Variants in TDRP observed in about 807,000 individuals in gnomAD.
TDRP encodes testis development-related protein.
Under a neutral mutation model 10.5 loss-of-function variants are expected in TDRP, and 12 were observed. That is an observed-to-expected ratio of 1.15 (90% CI 0.73 to 1.86). The LOEUF (loss-of-function observed/expected upper bound fraction) is 1.86. Ranked by LOEUF, TDRP falls within the 40% of genes most tolerant of loss-of-function variation. The pLI is 0.00. For missense variants in TDRP, 353 were observed against 229.2 expected (o/e 1.54, Z -3.49); for synonymous variants, 139 against 95.4 (o/e 1.46, Z -2.67).
chr8:493,794 T>C (rs905802850), intron 2 of TDRP, among the ~76,000 whole-genome samples: 1 of 152,126 alleles, frequency 6.6e-6, no homozygotes, highest in Non-Finnish European at 1.5e-5. Context: ...TGTTTTGTTT[T>C]GGTTTGGTTT....
intron 1 of TDRP, among the ~76,000 whole-genome samples, chr8:531,319 C>T (rs907951545): frequency 5.3e-5 from 8 of 152,098 alleles, no homozygotes; most frequent in Admixed American, 3.3e-4. Flanking sequence ...GAACAAGGTC[C>T]GGGACTTTCC....
intron 1 of TDRP, among the ~76,000 whole-genome samples, chr8:535,915 C>CA (rs1356307475): frequency 6.6e-6 from 1 of 152,072 alleles, no homozygotes; most frequent in African/African-American, 2.4e-5. Context: ...GCTCCACATT[C>CA]AGTGACGTTC....
intron 1 of TDRP, among the ~76,000 whole-genome samples, chr8:507,821 A>C (rs562634286): frequency 1.3e-4 from 20 of 152,230 alleles, no homozygotes; most frequent in Admixed American, 2.0e-4. Flanking sequence ...CACTAGGCTT[A>C]ATACCTGGGT....
Position 490,231 on chromosome 8 carries a change from C to G in TDRP, c.*2168G>C, listed in dbSNP as rs1800930342. 1 of 152,146 alleles carries G rather than the reference C, an allele frequency of 6.6e-6. No individual in the cohort carries two copies. The highest frequency in any genetic ancestry group is 2.1e-4 in the South Asian group (1 of 4,830). 9.4% of individuals were successfully genotyped at this position (152,146 alleles called of 1,614,324 possible). On this transcript the variant is annotated 3_prime_UTR_variant, in exon 3 of 3. Transcript: ENST00000324079. ...CACCAATAAATATTTATATTAAAAA[C>G]CACAGTTAATTTAATCAGGCACAGA...
chr8:514,613 C>T (rs1345306368), intron 1 of TDRP, among the ~76,000 whole-genome samples: 1 of 152,124 alleles, frequency 6.6e-6, no homozygotes, highest in African/African-American at 2.4e-5. Context: ...ACCATGTGGC[C>T]ACAAAACCAC....
chr8:516,100 TA>T (rs904373608), intron 1 of TDRP, among the ~76,000 whole-genome samples: 1 of 152,066 alleles, frequency 6.6e-6, no homozygotes, highest in Non-Finnish European at 1.5e-5. Flanking sequence ...GGCTGAACAT[TA>T]AAAAAATATA....
intron 1 of TDRP, among the ~76,000 whole-genome samples, chr8:538,296 A>C (rs899558734): frequency 6.6e-6 from 1 of 152,228 alleles, no homozygotes; most frequent in Admixed American, 6.5e-5. Context: ...TCAGACATCA[A>C]GGGTGAGGAG....
intron 1 of TDRP, among the ~76,000 whole-genome samples, chr8:525,465 A>T (rs1584363): frequency 0.7 from 106,561 of 152,070 alleles, 37,800 homozygotes; most frequent in African/African-American, 0.77. Flanking sequence ...TGTAGTTTAT[A>T]CTTTAAATGA....
At chr8:518,168 G>A (rs751185019) in intron 1 of TDRP, among the ~76,000 whole-genome samples, 3 of 152,288 alleles carry the variant, frequency 2.0e-5, no homozygotes, top group Non-Finnish European at 2.9e-5. Context: ...CAAAGGCACC[G>A]CTCTGGAGAG....
intron 1 of TDRP, among the ~76,000 whole-genome samples, chr8:512,525 G>C (rs1311418354): frequency 6.6e-5 from 10 of 151,962 alleles, no homozygotes; most frequent in Admixed American, 2.6e-4. Flanking sequence ...AATGAAAGAG[G>C]AGACATTTCT....
chr8:506,059 T>C (rs1312959679), intron 1 of TDRP, among the ~76,000 whole-genome samples: 1 of 152,116 alleles, frequency 6.6e-6, no homozygotes, highest in Non-Finnish European at 1.5e-5. Flanking sequence ...CATTCAGCCA[T>C]GGCCGCTTTC....
At chr8:529,887 C>T (rs1402836305) in intron 1 of TDRP, among the ~76,000 whole-genome samples, 2 of 152,106 alleles carry the variant, frequency 1.3e-5, no homozygotes, top group Non-Finnish European at 2.9e-5. Flanking sequence ...TACATGGAGT[C>T]CTTTGAGATT....
At chr8:519,064 C>T (rs570333791) in intron 1 of TDRP, among the ~76,000 whole-genome samples, 1 of 119,686 alleles carries the variant, frequency 8.4e-6, no homozygotes, top group Admixed American at 9.7e-5. Context: ...CCTCCTCTGA[C>T]CTCCAAAGAG....
At chr8:532,035 T>C (rs901817912) in intron 1 of TDRP, among the ~76,000 whole-genome samples, 5 of 152,320 alleles carry the variant, frequency 3.3e-5, no homozygotes, top group African/African-American at 1.2e-4. Flanking sequence ...TATATTTCTT[T>C]TTCTCCTAAG....
chr8:535,867 T>C (rs966924818), intron 1 of TDRP, among the ~76,000 whole-genome samples: 19 of 150,154 alleles, frequency 1.3e-4, no homozygotes, highest in African/African-American at 4.4e-4. Context: ...GGTGTGAGTG[T>C]AGGGGTGGAA....
intron 1 of TDRP, among the ~76,000 whole-genome samples, chr8:532,335 G>A (rs971802946): frequency 3.3e-5 from 5 of 152,318 alleles, no homozygotes; most frequent in African/African-American, 7.2e-5. Context: ...GCTACTGGGG[G>A]AAACCTGCAA....
intron 1 of TDRP, among the ~76,000 whole-genome samples, chr8:513,410 G>C (rs569562475): frequency 6.6e-6 from 1 of 152,148 alleles, no homozygotes; most frequent in African/African-American, 2.4e-5. Context: ...AATTATATAA[G>C]CATCTCAATA....
intron 2 of TDRP, among the ~76,000 whole-genome samples, chr8:493,898 C>CA (rs1801053173): frequency 6.6e-6 from 1 of 151,782 alleles, no homozygotes; most frequent in Non-Finnish European, 1.5e-5. Flanking sequence ...TCCACTTTTC[C>CA]ATAACCTTTC....
rs940896227 is a variant in TDRP, at chr8:490,092, G to A, written c.*2307C>T. 36 of 152,174 alleles carry A rather than the reference G, an allele frequency of 2.4e-4. No individual in the cohort carries two copies. Among genetic ancestry groups the A allele is most frequent in the African/African-American group, 8.4e-4 (35 of 41,448 alleles). The allele number at this position is 152,174 out of a possible 1,614,324, so 9.4% of individuals were successfully genotyped here. ...CTCTCTTCACACAAGGAAGCTGTGT[G>A]TTTACACAATTCAAACACCCAGAAT... On this transcript the variant is annotated 3_prime_UTR_variant, in exon 3 of 3. Coordinates refer to ENST00000324079, the MANE Select transcript of TDRP (RefSeq NM_001384899.1).
Sources: gnomAD v4.1 joint callset for allele counts (sites outside exome capture counted in the v4.1 genomes callset) on GRCh38, gnomAD v4.1.1 for gene constraint, MANE v1.5 for transcripts, NCBI Gene and HGNC (gene_info 2026-07-23, HGNC 2026-07-21) for gene names.